The following SLCO5A1 variants were observed in gnomAD, a reference collection of about 807,000 sequenced individuals.
SLCO5A1 encodes organic anion transporter polypeptide-related protein 4.
In SLCO5A1, 39 loss-of-function variants were observed where a neutral mutation model predicts 65.1. That is an observed-to-expected ratio of 0.60 (90% CI 0.46 to 0.78). SLCO5A1 has a LOEUF of 0.78. Ranked by LOEUF, SLCO5A1 falls within the 30% of genes least tolerant of loss-of-function variation. SLCO5A1 has a pLI of 0.00. For missense variants in SLCO5A1, 1,029 were observed against 1,069.4 expected (o/e 0.96, Z 0.53); for synonymous variants, 438 against 415.7 (o/e 1.05, Z -0.65).
chr8:69,726,197 A>T (rs963796824), intron 5 of SLCO5A1, among the ~76,000 whole-genome samples: 5 of 152,252 alleles, frequency 3.3e-5, no homozygotes, highest in African/African-American at 1.2e-4. Context: ...TTTAGTCAAC[A>T]GACATTTTCC....
At chr8:69,692,395 T>C (rs1031016256) in intron 6 of SLCO5A1, among the ~76,000 whole-genome samples, 8 of 152,350 alleles carry the variant, frequency 5.3e-5, no homozygotes, top group South Asian at 4.1e-4. Context: ...GACATGACTG[T>C]GCACTGCTGT....
intron 5 of SLCO5A1, among the ~76,000 whole-genome samples, chr8:69,710,681 T>C (rs1815199788): frequency 6.6e-6 from 1 of 152,214 alleles, no homozygotes; most frequent in South Asian, 2.1e-4. Flanking sequence ...CAAATCTCCG[T>C]GCTGGTAGCT....
rs941676990 is a variant in SLCO5A1 at position 69,800,040 on chromosome 8, A to G, written c.907+31727T>C. Among the ~76,000 whole-genome samples, 45 of 152,210 alleles carry G rather than the reference A, an allele frequency of 3.0e-4. 1 individual carries two copies. Among genetic ancestry groups the G allele is most frequent in the Admixed American group, 2.8e-3 (43 of 15,284 alleles). ...ATTTTTTGCTGTTGTTTCAAACTAA[A>G]GTTTACTGAAAGATCCACCAAATTG... On this transcript the variant is annotated intron_variant, in intron 2 of 9. Transcript: ENST00000260126.
chr8:69,789,098 C>T (rs1251323331), intron 2 of SLCO5A1, among the ~76,000 whole-genome samples: 4 of 152,172 alleles, frequency 2.6e-5, no homozygotes, highest in Non-Finnish European at 5.9e-5. Flanking sequence ...GTTCATCCCC[C>T]AAGAAACAGA....
At chr8:69,794,281 GAGA>G (rs1473685989) in intron 2 of SLCO5A1, 1 of 480,562 alleles carries the variant, frequency 2.1e-6, no homozygotes, top group Non-Finnish European at 4.2e-6. Context: ...GCTGAATGGG[GAGA>G]AGTTCTTGAG....
At chr8:69,830,318 T>C (rs921865533) in intron 2 of SLCO5A1, among the ~76,000 whole-genome samples, 2 of 152,142 alleles carry the variant, frequency 1.3e-5, no homozygotes, top group African/African-American at 4.8e-5. Context: ...ATCAGCACAT[T>C]GCTAATAAAT....
chr8:69,706,143 A>G (rs1254769082), intron 5 of SLCO5A1, among the ~76,000 whole-genome samples: 2 of 152,264 alleles, frequency 1.3e-5, no homozygotes, highest in Non-Finnish European at 2.9e-5. Flanking sequence ...ATGAAGAATT[A>G]TACAAAGACA....
chr8:69,807,869 A>G (rs956532180), intron 2 of SLCO5A1, among the ~76,000 whole-genome samples: 2 of 151,610 alleles, frequency 1.3e-5, no homozygotes, highest in African/African-American at 2.4e-5. Context: ...ACGCCCAGGT[A>G]ATTTTTTGTA....
At chr8:69,738,579 A>G (rs1012335491) in intron 4 of SLCO5A1, among the ~76,000 whole-genome samples, 1 of 152,230 alleles carries the variant, frequency 6.6e-6, no homozygotes, top group African/African-American at 2.4e-5. Flanking sequence ...CTAGATGTGT[A>G]AAGTGCCTGC....
chr8:69,832,847 A>C lies in SLCO5A1; in HGVS notation c.-174T>G. On this transcript the variant is annotated 5_prime_UTR_variant, in exon 2 of 10. It removes an upstream start codon present in the reference 5' UTR. Transcript: ENST00000260126. This position sits in a 1 kb window ranked among gnomAD's most constrained non-coding sequence, Gnocchi z 4.5. Reference sequence around the variant, plus strand: ...TCACCAGCTGCGAGGCGCCCAGTGCATCCTGATCACAGACACGGCTTCAAG... The same window carrying C: ...TCACCAGCTGCGAGGCGCCCAGTGCCTCCTGATCACAGACACGGCTTCAAG... 2.8e-6 allele frequency: 2 copies of C among 703,852 alleles called. No individual in the cohort carries two copies. The highest frequency in any genetic ancestry group is 3.8e-5 in the South Asian group (2 of 52,984). The allele number at this position is 703,852 out of a possible 1,614,324, so 43.6% of individuals were successfully genotyped here.
rs776558278 is a variant in SLCO5A1, at chr8:69,705,273, C to T, written c.1424-44G>A. ...GAGGATTAATTTGAACTCATGTACA[C>T]TATTATTCATCTTATCTATTCTGTC... On this transcript the variant is annotated intron_variant, in intron 5 of 9. Coordinates refer to ENST00000260126, the MANE Select transcript of SLCO5A1 (RefSeq NM_030958.3). 3.8e-6 allele frequency: 6 copies of T among 1,576,802 alleles called. No individual in the cohort carries two copies. In the East Asian group the frequency reaches 9.0e-5, roughly 24 times the overall value.
intron 6 of SLCO5A1, among the ~76,000 whole-genome samples, chr8:69,702,627 C>G (rs1051361933): frequency 2.6e-5 from 4 of 152,158 alleles, no homozygotes; most frequent in Admixed American, 2.6e-4. Flanking sequence ...TCCTCACTCC[C>G]AAACATTCTA....
chr8:69,676,633 G>A lies in SLCO5A1; in HGVS notation c.2065C>T (p.Gln689Ter). 6.2e-7 allele frequency: 1 copy of A among 1,612,668 alleles called. No individual in the cohort carries two copies. The highest frequency in any genetic ancestry group is 8.5e-7 in the Non-Finnish European group (1 of 1,179,338). Residue 689 changes from glutamine to a stop codon, truncating the protein, a stop_gained, in exon 9 of 10, where the codon CAG becomes TAG. Coordinates refer to ENST00000260126, the MANE Select transcript of SLCO5A1 (RefSeq NM_030958.3). LOFTEE classifies it high-confidence loss of function. The part of the protein sequence containing the change: ...DEERPFALGM[Q>*]FVLLRTLAYI... ...CCAAGTGTTCGCAACAAAACAAACT[G>A]CATTCCCAGTGCAAAAGGTCTCTCC...
At chr8:69,753,964 G>A (rs1448304660) in intron 4 of SLCO5A1, among the ~76,000 whole-genome samples, 1 of 147,266 alleles carries the variant, frequency 6.8e-6, no homozygotes, top group Non-Finnish European at 1.5e-5. Context: ...TGCAGTAAGT[G>A]GAGATCACAC....
chr8:69,824,654 G>C (rs1276019709), intron 2 of SLCO5A1, among the ~76,000 whole-genome samples: 2 of 152,032 alleles, frequency 1.3e-5, no homozygotes, highest in African/African-American at 4.8e-5. Flanking sequence ...CAACCAAAAA[G>C]AGTCCAGGAC....
At chr8:69,675,130 AT>A (rs1813496806) in intron 9 of SLCO5A1, among the ~76,000 whole-genome samples, 1 of 151,176 alleles carries the variant, frequency 6.6e-6, no homozygotes, top group Admixed American at 6.6e-5. Flanking sequence ...TCTAAATGTT[AT>A]TTCTAAATAA....
intron 2 of SLCO5A1, among the ~76,000 whole-genome samples, chr8:69,768,532 G>A (rs145308348): frequency 3.2e-4 from 49 of 152,336 alleles, no homozygotes; most frequent in African/African-American, 8.9e-4. Flanking sequence ...CTCAGTTTAA[G>A]AGGGTGGAGT....
chr8:69,676,604 C>A lies in SLCO5A1; in HGVS notation c.2089+5G>T. 6.2e-7 allele frequency: 1 copy of A among 1,610,928 alleles called. No individual in the cohort carries two copies. The highest frequency in any genetic ancestry group is 2.2e-5 in the East Asian group (1 of 44,684). On this transcript the variant is annotated splice_donor_5th_base_variant and intron_variant, in intron 9 of 9. Coordinates refer to ENST00000260126, the MANE Select transcript of SLCO5A1 (RefSeq NM_030958.3). ...AGAGGTACACTTGGAAATTCAGGGA[C>A]GTACCAAGTGTTCGCAACAAAACAA...
chr8:69,825,987 C>T (rs1820891991), intron 2 of SLCO5A1, among the ~76,000 whole-genome samples: 2 of 152,224 alleles, frequency 1.3e-5, no homozygotes, highest in Non-Finnish European at 2.9e-5. Flanking sequence ...ATATCTACAA[C>T]TATCTGATCT....
Sources: allele counts gnomAD v4.1 joint callset (sites outside exome capture counted in the v4.1 genomes callset), GRCh38; gene constraint gnomAD v4.1.1; non-coding constraint Gnocchi (gnomAD v3.1); transcripts MANE v1.5; gene names NCBI Gene and HGNC (gene_info 2026-07-23, HGNC 2026-07-21).